Variants in CEMIP observed in about 807,000 individuals in gnomAD.
CEMIP encodes the protein cell migration-inducing and hyaluronan-binding protein.
A neutral mutation model predicts 156.9 loss-of-function variants in CEMIP; 105 were observed. That is an observed-to-expected ratio of 0.67 (90% CI 0.57 to 0.79). The LOEUF (loss-of-function observed/expected upper bound fraction) is 0.79. Ranked by LOEUF, CEMIP falls within the 30% of genes least tolerant of loss-of-function variation. The pLI, the probability that CEMIP is intolerant of heterozygous loss-of-function variation, is 0.00. For missense variants in CEMIP, 1,457 were observed against 1,769.4 expected (o/e 0.82, Z 3.17); for synonymous variants, 676 against 668.4 (o/e 1.01, Z -0.17).
At chr15:80,902,295 T>A (rs558109519) in intron 12 of CEMIP, among the ~76,000 whole-genome samples, 58 of 152,298 alleles carry the variant, frequency 3.8e-4, no homozygotes, top group African/African-American at 1.3e-3. Flanking sequence ...CCAGGCCTCC[T>A]CCCCGCTCAC....
chr15:80,880,899 G>C lies in CEMIP; in HGVS notation c.381-1G>C. 6.2e-7 allele frequency: 1 copy of C among 1,611,988 alleles called. No homozygotes were observed. On this transcript the variant is annotated splice_acceptor_variant, in intron 5 of 29. Coordinates refer to ENST00000394685, the MANE Select transcript of CEMIP (RefSeq NM_001293298.2). LOFTEE classifies it high-confidence loss of function. ...CTCTGGGGAGCTGTTTTCTCTTGCA[G>C]GGCTGATGAAGGTATTCAGCCGGAT...
chr15:80,812,420 G>T (rs1896693314), intron 1 of CEMIP, among the ~76,000 whole-genome samples: 1 of 152,206 alleles, frequency 6.6e-6, no homozygotes, highest in African/African-American at 2.4e-5. Context: ...TGGAGAGAGA[G>T]ACTTGGATTC....
intron 25 of CEMIP, among the ~76,000 whole-genome samples, chr15:80,938,392 G>C (rs1901217849): frequency 6.6e-6 from 1 of 152,258 alleles, no homozygotes; most frequent in East Asian, 1.9e-4. Context: ...GGATCACAAG[G>C]TCAGGAGTTC....
chr15:80,830,931 A>G (rs1288041743), intron 1 of CEMIP, among the ~76,000 whole-genome samples: 1 of 152,166 alleles, frequency 6.6e-6, no homozygotes, highest in African/African-American at 2.4e-5. Flanking sequence ...TAAGTCATTC[A>G]ACATGTACTG....
chr15:80,796,060 T>C (rs1041089450), intron 1 of CEMIP, among the ~76,000 whole-genome samples: 7 of 152,240 alleles, frequency 4.6e-5, no homozygotes, highest in African/African-American at 1.7e-4. Context: ...AGGTGGCTTT[T>C]CCCATAACTT....
chr15:80,796,029 C>A (rs1197736794), intron 1 of CEMIP, among the ~76,000 whole-genome samples: 2 of 152,312 alleles, frequency 1.3e-5, no homozygotes, highest in Non-Finnish European at 2.9e-5. Context: ...ACAGCTTGTA[C>A]CAGAAAATAT....
Position 80,881,035 on chromosome 15 carries a change from C to T in CEMIP, c.516C>T (p.Gly172=), listed in dbSNP as rs370472918. Residue 172 remains glycine, a synonymous_variant, in exon 6 of 30, where the codon GGC becomes GGT. Coordinates refer to ENST00000394685, the MANE Select transcript of CEMIP (RefSeq NM_001293298.2). ...TGAACAAGACCCTTCACCCAGGTGG[C>T]ATGGCAGAAGGAGGCTATTTTTTTG... ...TFLNKTLHPG[G]MAEGGYFFER... The T allele has an allele frequency of 2.5e-6, 4 of 1,614,090 alleles. No homozygotes were observed. The African/African-American group carries it at 4.0e-5, about 16-fold the overall frequency.
rs138671244 is a variant in CEMIP at position 80,922,056 on chromosome 15, C to T, written c.2121C>T (p.Ser707=). 448 of 1,614,252 alleles carry T rather than the reference C, an allele frequency of 2.8e-4. 1 individual carries two copies. The African/African-American group carries it at 4.3e-3, about 16-fold the overall frequency. ...TTCACCACGTACCAACGGGCCCCTC[C>T]GTGGGAATGTACTCCCCAGGTTATT... The part of the protein sequence containing the change: ...FIFHHVPTGP[S]VGMYSPGYSE... Residue 707 remains serine (S), a synonymous_variant, in exon 17 of 30, where the codon TCC becomes TCT. Coordinates refer to ENST00000394685, the MANE Select transcript of CEMIP (RefSeq NM_001293298.2).
chr15:80,843,490 G>C (rs1018419214), intron 1 of CEMIP, among the ~76,000 whole-genome samples: 11 of 152,224 alleles, frequency 7.2e-5, no homozygotes, highest in African/African-American at 2.7e-4. Context: ...GGGCAGGGGG[G>C]CTGCTACACC....
chr15:80,784,321 G>C (rs1336237230), intron 1 of CEMIP, among the ~76,000 whole-genome samples: 2 of 152,158 alleles, frequency 1.3e-5, no homozygotes, highest in Admixed American at 6.5e-5. Context: ...GGCATGGAAG[G>C]TGTCCATGCC....
At chr15:80,938,237 G>A in intron 25 of CEMIP, 1 of 445,356 alleles carries the variant, frequency 2.2e-6, no homozygotes. Flanking sequence ...AAAAAAAAAA[G>A]TGAAGGCAGT....
chr15:80,836,496 C>T (rs1274271201), intron 1 of CEMIP, among the ~76,000 whole-genome samples: 4 of 152,338 alleles, frequency 2.6e-5, no homozygotes, highest in South Asian at 2.1e-4. Flanking sequence ...CAGGGAAGGA[C>T]GGCTTGGAGA....
intron 1 of CEMIP, among the ~76,000 whole-genome samples, chr15:80,792,744 G>C (rs116051156): frequency 2.0e-4 from 31 of 152,280 alleles, no homozygotes; most frequent in African/African-American, 7.5e-4. Flanking sequence ...CCTAGAACAA[G>C]AATCTGAATG....
chr15:80,878,795 C>T lies in CEMIP; in HGVS notation c.169C>T (p.His57Tyr). The stretch of plus-strand genomic sequence containing the variant: ...TGGCCATGACCAAGACCACCATGTG[C>T]ATATCGGCCAGGGCAAGACACTGCT... The part of the protein sequence containing the change: ...NPGHDQDHHV[H>Y]IGQGKTLLLT... Residue 57 changes from histidine to tyrosine, a missense_variant, in exon 4 of 30, where the codon CAT becomes TAT. Transcript: ENST00000394685. The T allele has an allele frequency of 6.2e-7, 1 of 1,614,176 alleles. No individual in the cohort carries two copies. Among genetic ancestry groups the T allele is most frequent in the Non-Finnish European group, 8.5e-7 (1 of 1,180,030 alleles).
At chr15:80,900,640 G>GTGTGTGTGTC (rs1567090945) in intron 12 of CEMIP, among the ~76,000 whole-genome samples, 9 of 130,416 alleles carry the variant, frequency 6.9e-5, no homozygotes, top group Non-Finnish European at 1.4e-4. Flanking sequence ...GTGTGTGTGT[G>GTGTGTGTGTC]TGTGTGTGTC....
intron 1 of CEMIP, among the ~76,000 whole-genome samples, chr15:80,814,743 A>C (rs1329709970): frequency 6.6e-6 from 1 of 152,202 alleles, no homozygotes; most frequent in Non-Finnish European, 1.5e-5. Context: ...TGGAGAATGA[A>C]TGGCTATGAG....
At chr15:80,909,833 T>G (rs1021754628) in intron 14 of CEMIP, 1 of 351,920 alleles carries the variant, frequency 2.8e-6, no homozygotes, top group African/African-American at 2.1e-5. Flanking sequence ...ATTTTCGTAC[T>G]AAATTGACCT....
intron 2 of CEMIP, 47 bp from the exon 3 acceptor site, chr15:80,873,817 C>A: frequency 7.1e-7 from 1 of 1,398,968 alleles, no homozygotes; most frequent in Non-Finnish European, 9.9e-7. Flanking sequence ...TATACTGATT[C>A]CAGCCTGCCA....
At chr15:80,911,895 G>A (rs1051788675) in intron 14 of CEMIP, among the ~76,000 whole-genome samples, 5 of 139,352 alleles carry the variant, frequency 3.6e-5, no homozygotes, top group Non-Finnish European at 7.8e-5. Flanking sequence ...GGCAGGGCTG[G>A]AGGCTGGGAG....
Sources: allele counts gnomAD v4.1 joint callset (sites outside exome capture counted in the v4.1 genomes callset), GRCh38; gene constraint gnomAD v4.1.1; transcripts MANE v1.5; gene names NCBI Gene and HGNC (gene_info 2026-07-23, HGNC 2026-07-21).